The following CDH12 variants were observed in gnomAD, a reference collection of about 807,000 sequenced individuals.
The protein encoded by CDH12 is cadherin 12.
CDH12 carries 41 observed loss-of-function variants against 74.1 expected under a neutral mutation model. That is an observed-to-expected ratio of 0.55 (90% CI 0.43 to 0.72). The LOEUF (loss-of-function observed/expected upper bound fraction) is 0.72. Ranked by LOEUF, CDH12 falls within the 30% of genes least tolerant of loss-of-function variation. The pLI is 0.00. For synonymous variants in CDH12, 399 were observed against 355.0 expected (o/e 1.12, Z -1.39); for missense variants, 945 against 977.2 (o/e 0.97, Z 0.44).
intron 3 of CDH12, among the ~76,000 whole-genome samples, chr5:22,236,038 C>T (rs955130467): frequency 1.3e-5 from 2 of 152,070 alleles, no homozygotes; most frequent in African/African-American, 2.4e-5. Context: ...AAAAAGGTAC[C>T]GTAAAAATGC....
intron 2 of CDH12, among the ~76,000 whole-genome samples, chr5:22,433,333 TAC>T (rs1744249539): frequency 6.6e-6 from 1 of 152,160 alleles, no homozygotes; most frequent in South Asian, 2.1e-4. Context: ...CAGAATAAAG[TAC>T]AGTTTCAAAT....
chr5:22,552,071 A>T (rs1425224940), intron 1 of CDH12, among the ~76,000 whole-genome samples: 2 of 152,166 alleles, frequency 1.3e-5, no homozygotes, highest in Non-Finnish European at 2.9e-5. Flanking sequence ...AACAGAGCAT[A>T]GGTGATTTTC....
intron 3 of CDH12, among the ~76,000 whole-genome samples, chr5:22,239,799 G>A (rs1159636633): frequency 2.0e-5 from 3 of 152,030 alleles, no homozygotes; most frequent in Admixed American, 6.6e-5. Context: ...TGAGCTAGTT[G>A]GTATAAGATA....
intron 8 of CDH12, among the ~76,000 whole-genome samples, chr5:21,830,968 G>A (rs1364956925): frequency 2.0e-5 from 3 of 152,014 alleles, no homozygotes; most frequent in African/African-American, 2.4e-5. Context: ...AACCTGGGAG[G>A]TGGAGGTTGC....
intron 5 of CDH12, among the ~76,000 whole-genome samples, chr5:22,001,135 AG>A (rs1179004943): frequency 2.6e-5 from 4 of 152,196 alleles, no homozygotes; most frequent in Non-Finnish European, 5.9e-5. Context: ...TGATTACTTC[AG>A]AACATTAAAT....
intron 4 of CDH12, among the ~76,000 whole-genome samples, chr5:22,174,847 C>T (rs1200359458): frequency 6.6e-6 from 1 of 151,872 alleles, no homozygotes; most frequent in Non-Finnish European, 1.5e-5. Flanking sequence ...ATTTGCAAAG[C>T]TATAAATTTT....
intron 3 of CDH12, among the ~76,000 whole-genome samples, chr5:22,248,803 T>G (rs1753042212): frequency 1.3e-5 from 2 of 152,146 alleles, no homozygotes; most frequent in Admixed American, 1.3e-4. Context: ...AATTGTACTC[T>G]CTCACTTATC....
intron 1 of CDH12, among the ~76,000 whole-genome samples, chr5:22,827,409 G>A (rs188133147): frequency 1.3e-5 from 2 of 152,054 alleles, no homozygotes; most frequent in Non-Finnish European, 2.9e-5. Context: ...ACATTTTTAA[G>A]ACTATAAAGA....
At chr5:22,008,118 C>G (rs1378186892) in intron 5 of CDH12, among the ~76,000 whole-genome samples, 8 of 152,234 alleles carry the variant, frequency 5.3e-5, no homozygotes, top group Admixed American at 5.2e-4. Flanking sequence ...GCTTTTGGCA[C>G]TCACCATATA....
chr5:22,301,554 T>TA (rs1178363902), intron 3 of CDH12, among the ~76,000 whole-genome samples: 2 of 152,172 alleles, frequency 1.3e-5, no homozygotes, highest in Admixed American at 1.3e-4. Flanking sequence ...CAGTGAAACA[T>TA]AGAGATTTTG....
intron 4 of CDH12, among the ~76,000 whole-genome samples, chr5:22,138,860 A>ATAT (rs1746619281): frequency 7.6e-6 from 1 of 132,160 alleles, no homozygotes; most frequent in South Asian, 2.3e-4. Context: ...ATATATATAT[A>ATAT]TATATATATA....
intron 2 of CDH12, among the ~76,000 whole-genome samples, chr5:22,425,289 A>G (rs1287783374): frequency 1.3e-5 from 2 of 149,978 alleles, no homozygotes; most frequent in Admixed American, 6.7e-5. Context: ...TGTTATTCTT[A>G]TGGTTTTGTG....
At chr5:22,710,911 A>G (rs269031) in intron 1 of CDH12, among the ~76,000 whole-genome samples, 42 of 152,200 alleles carry the variant, frequency 2.8e-4, no homozygotes, top group African/African-American at 9.4e-4. Flanking sequence ...TTTGGAAGTT[A>G]TTGGCACAAT....
intron 6 of CDH12, among the ~76,000 whole-genome samples, chr5:21,916,597 A>G (rs1041203288): frequency 6.6e-6 from 1 of 151,524 alleles, no homozygotes; most frequent in African/African-American, 2.4e-5. Flanking sequence ...AGTCTTCCTC[A>G]CTCCACCAAA....
chr5:22,031,558 C>T (rs1377586797), intron 5 of CDH12, among the ~76,000 whole-genome samples: 2 of 152,252 alleles, frequency 1.3e-5, no homozygotes, highest in African/African-American at 4.8e-5. Flanking sequence ...CAGCCTATCT[C>T]GCCTTTTAAT....
At chr5:22,417,397 T>C (rs371736538) in intron 2 of CDH12, among the ~76,000 whole-genome samples, 57 of 152,198 alleles carry the variant, frequency 3.7e-4, no homozygotes, top group Admixed American at 1.0e-3. Context: ...AGTGAGTTGC[T>C]GATAAAAGGA....
intron 3 of CDH12, among the ~76,000 whole-genome samples, chr5:22,292,833 T>G (rs1451304868): frequency 6.6e-6 from 1 of 152,174 alleles, no homozygotes; most frequent in Admixed American, 6.5e-5. Flanking sequence ...TGGAAAACAG[T>G]ATGAAGTTTC....
intron 1 of CDH12, among the ~76,000 whole-genome samples, chr5:22,722,136 T>A (rs1743930888): frequency 6.6e-6 from 1 of 152,190 alleles, no homozygotes; most frequent in Non-Finnish European, 1.5e-5. Flanking sequence ...TTACAGAACC[T>A]ACCTGATCAA....
At chr5:21,986,713 A>G (rs533826374) in intron 5 of CDH12, among the ~76,000 whole-genome samples, 12 of 152,274 alleles carry the variant, frequency 7.9e-5, no homozygotes, top group African/African-American at 2.9e-4. Flanking sequence ...ATATAAATGT[A>G]TACGATTTAG....
Sources: gnomAD v4.1 joint callset for allele counts (sites outside exome capture counted in the v4.1 genomes callset) on GRCh38, gnomAD v4.1.1 for gene constraint, MANE v1.5 for transcripts, NCBI Gene and HGNC (gene_info 2026-07-23, HGNC 2026-07-21) for gene names.